SKAP1: variants seen among roughly 807,000 people sequenced by gnomAD.
SKAP1 encodes the protein src kinase-associated phosphoprotein 1.
A neutral mutation model predicts 58.5 loss-of-function variants in SKAP1; 44 were observed. That is an observed-to-expected ratio of 0.75 (90% CI 0.59 to 0.97). The LOEUF is 0.97. SKAP1 is among the 50% of genes least tolerant of loss of function. The pLI, the probability that SKAP1 is intolerant of heterozygous loss-of-function variation, is 0.00. For synonymous variants in SKAP1, 127 were observed against 149.7 expected, an observed-to-expected ratio of 0.85 and a Z score of 1.11; for missense variants, 390 against 435.2, an observed-to-expected ratio of 0.90 and a Z score of 0.92.
intron 4 of SKAP1, among the ~76,000 whole-genome samples, chr17:48,224,041 G>A (rs375995669): frequency 8.8e-3 from 341 of 38,632 alleles, no homozygotes; most frequent in Non-Finnish European, 0.014. Context: ...AGAGAAGAAG[G>A]AGGAGGAGGA....
intron 4 of SKAP1, among the ~76,000 whole-genome samples, chr17:48,339,078 GTGTGTTCTAC>G (rs762531389): frequency 4.6e-5 from 7 of 152,180 alleles, no homozygotes; most frequent in Non-Finnish European, 1.0e-4. Flanking sequence ...TCATGAAAGT[GTGTGTTCTAC>G]TGTAGAATTC....
At chr17:48,187,095 T>C (rs953263250) in intron 6 of SKAP1, among the ~76,000 whole-genome samples, 1 of 152,248 alleles carries the variant, frequency 6.6e-6, no homozygotes, top group Non-Finnish European at 1.5e-5. Flanking sequence ...AAAGTTTGCA[T>C]TCATCTATAA....
intron 4 of SKAP1, among the ~76,000 whole-genome samples, chr17:48,336,769 T>A (rs948269929): frequency 6.6e-6 from 1 of 152,138 alleles, no homozygotes; most frequent in Non-Finnish European, 1.5e-5. Flanking sequence ...CAAAGTAATT[T>A]TTTTCCCCTA....
At chr17:48,162,710 CCAAA>C in intron 10 of SKAP1, 141 bp from the exon 11 acceptor site, 1 of 591,322 alleles carries the variant, frequency 1.7e-6, no homozygotes, top group South Asian at 2.2e-5. Context: ...TGAGATACAG[CCAAA>C]CACTCAGCAT....
At chr17:48,417,071 C>T (rs1170309893) in intron 1 of SKAP1, among the ~76,000 whole-genome samples, 4 of 152,150 alleles carry the variant, frequency 2.6e-5, no homozygotes, top group African/African-American at 9.7e-5. Flanking sequence ...ATACTTTTTA[C>T]CTTTTGCCAA....
At chr17:48,415,496 C>T (rs1348312497) in intron 1 of SKAP1, among the ~76,000 whole-genome samples, 1 of 152,140 alleles carries the variant, frequency 6.6e-6, no homozygotes, top group African/African-American at 2.4e-5. Context: ...CATACTTCTG[C>T]CATCATCCCT....
intron 4 of SKAP1, among the ~76,000 whole-genome samples, chr17:48,222,231 T>C (rs928441233): frequency 6.6e-6 from 1 of 152,130 alleles, no homozygotes; most frequent in Non-Finnish European, 1.5e-5. Flanking sequence ...TAGGCAAATA[T>C]GACAAAAAGG....
chr17:48,155,492 T>A (rs2063963772), intron 11 of SKAP1, among the ~76,000 whole-genome samples: 1 of 152,130 alleles, frequency 6.6e-6, no homozygotes, highest in Non-Finnish European at 1.5e-5. Context: ...GGGTCACTTT[T>A]CTGAAAGCTA....
chr17:48,258,031 T>A (rs570941137), intron 4 of SKAP1, among the ~76,000 whole-genome samples: 1 of 152,136 alleles, frequency 6.6e-6, no homozygotes, highest in Non-Finnish European at 1.5e-5. Flanking sequence ...TTGCACCAAG[T>A]TCCAGCAAAA....
At chr17:48,237,750 C>A (rs1365702731) in intron 4 of SKAP1, among the ~76,000 whole-genome samples, 2 of 152,100 alleles carry the variant, frequency 1.3e-5, no homozygotes, top group Admixed American at 1.3e-4. Context: ...GAGGTAAAGT[C>A]AGTGGGTTTT....
the SKAP1 span, among the ~76,000 whole-genome samples, chr17:48,440,887 A>G: frequency 2.6e-5 from 4 of 152,316 alleles, no homozygotes; most frequent in Non-Finnish European, 5.9e-5. Flanking sequence ...CACTAAACTG[A>G]CAGGAAACAG....
At position 48,236,197 on chromosome 17, in the gene SKAP1, A is replaced by G. The variant is rs144217976; in HGVS notation, c.281-46697T>C. On this transcript the variant is annotated intron_variant, in intron 4 of 12. Coordinates refer to ENST00000336915, the MANE Select transcript of SKAP1 (RefSeq NM_003726.4). The stretch of plus-strand genomic sequence containing the variant: ...TCCTTCACTTATTCAATAAACATAC[A>G]CTGAGCACCTTCAAAGTTTTAGGTA... Among the ~76,000 whole-genome samples, 553 of 152,310 alleles carry G rather than the reference A, an allele frequency of 3.6e-3. 4 individuals carry two copies. The highest frequency in any genetic ancestry group is 0.013 in the African/African-American group (531 of 41,550).
intron 4 of SKAP1, among the ~76,000 whole-genome samples, chr17:48,219,238 G>A (rs1469573776): frequency 6.6e-6 from 1 of 152,134 alleles, no homozygotes; most frequent in African/African-American, 2.4e-5. Flanking sequence ...AAACCCAGGT[G>A]GGAACCATGT....
intron 3 of SKAP1, 54 bp downstream of exon 3, chr17:48,363,735 A>C (rs1264035469): frequency 1.4e-6 from 2 of 1,476,118 alleles, no homozygotes; most frequent in Non-Finnish European, 1.9e-6. Flanking sequence ...AGGAATAAAC[A>C]ATCCCATTTA....
At chr17:48,396,868 G>A in intron 1 of SKAP1, 83 bp from the exon 2 acceptor site, 1 of 916,324 alleles carries the variant, frequency 1.1e-6, no homozygotes, top group Non-Finnish European at 1.7e-6. Context: ...AATGGCACAT[G>A]TATACATATG....
chr17:48,410,463 G>T (rs2067648335), intron 1 of SKAP1, among the ~76,000 whole-genome samples: 1 of 152,066 alleles, frequency 6.6e-6, no homozygotes, highest in Non-Finnish European at 1.5e-5. Context: ...TTGATTTCTA[G>T]TACCAATCTT....
intron 10 of SKAP1, 84 bp from the exon 11 acceptor site, chr17:48,162,653 G>C: frequency 2.0e-6 from 2 of 1,000,704 alleles, no homozygotes; most frequent in Admixed American, 4.1e-5. Context: ...TGGAAACCAG[G>C]GTTCTGATAT....
intron 4 of SKAP1, among the ~76,000 whole-genome samples, chr17:48,201,611 T>C (rs960325067): frequency 2.0e-5 from 3 of 152,116 alleles, no homozygotes; most frequent in Non-Finnish European, 4.4e-5. Flanking sequence ...GGTCTTGAAC[T>C]CCTGGTCTCA....
intron 4 of SKAP1, 152 bp downstream of exon 4, chr17:48,345,753 G>C: frequency 1.7e-6 from 1 of 598,192 alleles, no homozygotes. Flanking sequence ...GCACCACAAT[G>C]AAACAAATAG....
Sources: gnomAD v4.1 joint callset for allele counts (sites outside exome capture counted in the v4.1 genomes callset) on GRCh38, gnomAD v4.1.1 for gene constraint, MANE v1.5 for transcripts, NCBI Gene and HGNC (gene_info 2026-07-23, HGNC 2026-07-21) for gene names.